Variants in AKR1E2 observed in about 807,000 individuals in gnomAD.
AKR1E2 encodes the protein aldo-keto reductase family 1 member E2, also known as 1,5-anhydro-D-fructose reductase.
In AKR1E2, 43 loss-of-function variants were observed where a neutral mutation model predicts 41.9. The ratio of observed to expected loss-of-function variants is 1.03; its 90% CI spans 0.80 to 1.32. The LOEUF (loss-of-function observed/expected upper bound fraction) is 1.32, where lower values mean the gene tolerates loss of function less well. Among genes scored for constraint, AKR1E2 ranks in the 40% most tolerant of loss-of-function variants. The pLI, the probability that AKR1E2 is intolerant of heterozygous loss-of-function variation, is 0.00. For synonymous variants in AKR1E2, 121 were observed against 138.9 expected (o/e 0.87, Z 0.91); for missense variants, 423 against 396.5 (o/e 1.07, Z -0.57).
At chr10:4,831,237 ACT>A (rs369832268) in intron 2 of AKR1E2, among the ~76,000 whole-genome samples, 9 of 152,240 alleles carry the variant, frequency 5.9e-5, no homozygotes, top group African/African-American at 1.7e-4. Flanking sequence ...TGAAGGAGAA[ACT>A]CTGGGTGTGG....
intron 2 of AKR1E2, among the ~76,000 whole-genome samples, chr10:4,831,464 A>G (rs1395208949): frequency 1.3e-5 from 2 of 152,232 alleles, no homozygotes; most frequent in South Asian, 4.1e-4. Flanking sequence ...GAACAAAGGC[A>G]CGTCTTACAT....
chr10:4,857,162 T>C, the AKR1E2 span, among the ~76,000 whole-genome samples: 2 of 152,176 alleles, frequency 1.3e-5, no homozygotes, highest in Admixed American at 1.3e-4. Flanking sequence ...CCATAATTCA[T>C]TAGTTCACAT....
Position 4,837,524 on chromosome 10 carries a change from A to G in AKR1E2, c.525A>G (p.Glu175=). ...TCGGGGTGTCAAACTTCAACCATGA[A>G]CAGCTTGAGAGGCTTTTGAATAAGC... is the stretch of plus-strand genomic sequence containing the variant. ...KNIGVSNFNH[E]QLERLLNKPG... Residue 175 remains glutamate (E), a synonymous_variant, in exon 5 of 10, where the codon GAA becomes GAG. Transcript: ENST00000298375. 6.2e-7 allele frequency: 1 copy of G among 1,614,132 alleles called. No individual in the cohort carries two copies. The highest frequency in any genetic ancestry group is 8.5e-7 in the Non-Finnish European group (1 of 1,180,014).
chr10:4,837,735 G>T (rs1464248965), intron 5 of AKR1E2, among the ~76,000 whole-genome samples, 154 bp downstream of exon 5: 1 of 152,254 alleles, frequency 6.6e-6, no homozygotes, highest in Non-Finnish European at 1.5e-5. Context: ...AAAGGCAGCA[G>T]CTAGGCAAGT....
At position 4,847,673 on chromosome 10, in the gene AKR1E2, T is replaced by C; in HGVS notation, c.*143T>C. On this transcript the variant is annotated 3_prime_UTR_variant, in exon 10 of 10. Transcript: ENST00000298375. The stretch of plus-strand genomic sequence containing the variant: ...GTCAGAGGGGGATGTAAGAGCCACC[T>C]TCTCTGACAAATCTGGAGAATTGAG... The C allele has an allele frequency of 1.1e-6, 1 of 902,752 alleles. No individual in the cohort carries two copies. The highest frequency in any genetic ancestry group is 2.4e-5 in the East Asian group (1 of 41,012). 55.9% of individuals were successfully genotyped at this position (902,752 alleles called of 1,614,324 possible).
chr10:4,835,711 C>A lies in AKR1E2; in HGVS notation c.361C>A (p.Leu121Ile). ...HPEWIMSCSELSFCLSHPRVQ... is the reference protein window; with the variant it reads ...HPEWIMSCSEISFCLSHPRVQ... ...AGAATGGATCATGAGCTGCAGTGAA[C>A]TTTCCTTCTGCCTCTCACATCCTCG... is the stretch of plus-strand genomic sequence containing the variant. Residue 121 changes from leucine to isoleucine, a missense_variant, in exon 4 of 10, where the codon CTT becomes ATT. Leu to Ile is a conservative substitution (Grantham distance 5, BLOSUM62 2). Coordinates refer to ENST00000298375, the MANE Select transcript of AKR1E2 (RefSeq NM_001040177.3). 3 of 1,614,164 alleles carry A rather than the reference C, an allele frequency of 1.9e-6. No homozygotes were observed. The highest frequency in any genetic ancestry group is 2.5e-6 in the Non-Finnish European group (3 of 1,180,034).
chr10:4,842,350 CAT>C (rs890965424), intron 7 of AKR1E2, 69 bp from the exon 8 acceptor site: 44 of 1,389,450 alleles, frequency 3.2e-5, no homozygotes, highest in South Asian at 1.8e-4. Flanking sequence ...ATAAAACTCA[CAT>C]GTTAGAAAAT....
intron 8 of AKR1E2, among the ~76,000 whole-genome samples, chr10:4,843,818 C>T (rs1834077731): frequency 6.6e-6 from 1 of 152,220 alleles, no homozygotes; most frequent in Admixed American, 6.5e-5. Flanking sequence ...ACCTGCTGCC[C>T]GCATGCCCTT....
intron 4 of AKR1E2, 93 bp downstream of exon 4, chr10:4,835,902 A>G (rs533346664): frequency 1.5e-5 from 22 of 1,504,886 alleles, no homozygotes; most frequent in Non-Finnish European, 1.8e-5. Context: ...CAAAGACATC[A>G]AGGTTGTCTA....
downstream of AKR1E2, among the ~76,000 whole-genome samples, chr10:4,849,201 A>G (rs2131581625): frequency 6.6e-6 from 1 of 152,266 alleles, no homozygotes; most frequent in South Asian, 2.1e-4. Flanking sequence ...TAATCAGAAG[A>G]CTGTTTACAA....
chr10:4,842,327 C>G, intron 7 of AKR1E2, 94 bp from the exon 8 acceptor site: 3 of 1,088,560 alleles, frequency 2.8e-6, no homozygotes, highest in Non-Finnish European at 4.2e-6. Flanking sequence ...GATTCTTGGA[C>G]TCTTACTGCA....
the AKR1E2 span, among the ~76,000 whole-genome samples, chr10:4,862,765 G>A: frequency 1.1e-4 from 16 of 152,128 alleles, no homozygotes; most frequent in Non-Finnish European, 2.4e-4. Context: ...AGGGATGGAG[G>A]AAGATCTGCC....
downstream of AKR1E2, among the ~76,000 whole-genome samples, chr10:4,848,413 TC>T (rs1190178582): frequency 1.3e-5 from 2 of 152,228 alleles, no homozygotes; most frequent in African/African-American, 4.8e-5. Flanking sequence ...TTAATGGACT[TC>T]CTGTGGTCCA....
At position 4,826,232 on chromosome 10, in the gene AKR1E2, C is replaced by T; in HGVS notation, c.-93C>T. ...GTCACAAGGCACTTCCAGCCAGTCG[C>T]AACGGCGGGTCGCCAGCGCCGCAGT... On this transcript the variant is annotated 5_prime_UTR_variant, in exon 1 of 10. Transcript: ENST00000298375. 9.5e-7 allele frequency: 1 copy of T among 1,057,546 alleles called. No homozygotes were observed. The highest frequency in any genetic ancestry group is 1.6e-5 in the African/African-American group (1 of 61,322). The allele number at this position is 1,057,546 out of a possible 1,614,324, so 65.5% of individuals were successfully genotyped here.
intron 3 of AKR1E2, among the ~76,000 whole-genome samples, chr10:4,835,457 G>A (rs1833323627): frequency 6.6e-6 from 1 of 152,180 alleles, no homozygotes; most frequent in Non-Finnish European, 1.5e-5. Context: ...TCTTGTGAGA[G>A]ATGAACAGTG....
intron 1 of AKR1E2, among the ~76,000 whole-genome samples, chr10:4,829,967 G>A (rs1205258006): frequency 6.6e-6 from 1 of 152,074 alleles, no homozygotes; most frequent in African/African-American, 2.4e-5. Flanking sequence ...ACTTAAGATG[G>A]ATACTTGGTT....
the AKR1E2 span, among the ~76,000 whole-genome samples, chr10:4,864,360 C>T: frequency 6.6e-6 from 1 of 152,120 alleles, no homozygotes; most frequent in South Asian, 2.1e-4. Context: ...AGACAAAAAC[C>T]ACATGATTAT....
At position 4,837,447 on chromosome 10, in the gene AKR1E2, G is replaced by A. The variant is rs146073906; in HGVS notation, c.460-12G>A. 43 of 1,613,510 alleles carry A rather than the reference G, an allele frequency of 2.7e-5. No individual in the cohort carries two copies. The highest frequency in any genetic ancestry group is 1.0e-4 in the Admixed American group (6 of 60,006). ...CAGAAGCTTCACACCCAGCAGAGTC[G>A]TTCTCTTATAGGCCATGGAGGACCT... On this transcript the variant is annotated splice_polypyrimidine_tract_variant and intron_variant, in intron 4 of 9. Transcript: ENST00000298375.
chr10:4,846,342 C>A, intron 8 of AKR1E2: 1 of 163,096 alleles, frequency 6.1e-6, no homozygotes, highest in African/African-American at 2.4e-5. Flanking sequence ...TGTGTGGGGA[C>A]AACAAAAGGG....
Sources: gnomAD v4.1 joint callset for allele counts (sites outside exome capture counted in the v4.1 genomes callset) on GRCh38, gnomAD v4.1.1 for gene constraint, MANE v1.5 for transcripts, NCBI Gene and HGNC (gene_info 2026-07-23, HGNC 2026-07-21) for gene names.